BCAS3: variants seen among roughly 807,000 people sequenced by gnomAD.
BCAS3 encodes the protein BCAS4/BCAS3 fusion.
In BCAS3, 53 loss-of-function variants were observed where a neutral mutation model predicts 116.1. The observed-to-expected ratio is 0.46, with a 90% confidence interval of 0.37 to 0.57. BCAS3 has a LOEUF of 0.57. Among genes scored for constraint, BCAS3 ranks in the 20% least tolerant of loss-of-function variants. The pLI, the probability that BCAS3 is intolerant of heterozygous loss-of-function variation, is 0.00. For synonymous variants in BCAS3, 391 were observed against 408.2 expected (o/e 0.96, Z 0.51); for missense variants, 917 against 1,165.4 (o/e 0.79, Z 3.10).
rs958886267 is a variant in BCAS3, at chr17:61,366,829, C to T, written c.2426-1498C>T. Among the ~76,000 whole-genome samples, 7 of 152,218 alleles carry T rather than the reference C, an allele frequency of 4.6e-5. No individual in the cohort carries two copies. Among genetic ancestry groups the T allele is most frequent in the Admixed American group, 6.5e-5 (1 of 15,282 alleles). Reference sequence around the variant, plus strand: ...ATAAATCAAAGCCAAACTTGGCTGACGAAATTCAGGAGCCAGTAGTGACCC... The same window carrying T: ...ATAAATCAAAGCCAAACTTGGCTGATGAAATTCAGGAGCCAGTAGTGACCC... On this transcript the variant is annotated intron_variant, in intron 22 of 23. Transcript: ENST00000407086. This position sits in a 1 kb window ranked among gnomAD's most constrained non-coding sequence, Gnocchi z 4.5.
chr17:60,811,406 A>G, intron 7 of BCAS3: 1 of 616,204 alleles, frequency 1.6e-6, no homozygotes, highest in South Asian at 1.4e-5. Context: ...CTCTCCCAGG[A>G]TAGTGGATGG....
At chr17:60,888,160 A>G (rs1405492952) in intron 9 of BCAS3, among the ~76,000 whole-genome samples, 1 of 152,206 alleles carries the variant, frequency 6.6e-6, no homozygotes, top group Non-Finnish European at 1.5e-5. Flanking sequence ...GCAGGAAAAC[A>G]GTTGTTTTCA....
At position 61,029,493 on chromosome 17, in the gene BCAS3, CT is replaced by C. The variant is rs139961127; in HGVS notation, c.1638-5167del. On this transcript the variant is annotated intron_variant, in intron 16 of 23. Coordinates refer to ENST00000407086, the MANE Select transcript of BCAS3 (RefSeq NM_017679.5). This position sits in a 1 kb window ranked among gnomAD's most constrained non-coding sequence, Gnocchi z 5.2. ...ACAAAAGAATTACACATATAACATACTTTTTTAAACATAGGAATTTAAGATA... is the reference window on the plus strand; with the variant it reads ...ACAAAAGAATTACACATATAACATACTTTTTAAACATAGGAATTTAAGATA... Among the ~76,000 whole-genome samples the C allele has an allele frequency of 0.033, 5,079 of 151,898 alleles. 111 individuals are homozygous for C. Among genetic ancestry groups the C allele is most frequent in the Non-Finnish European group, 0.049 (3,355 of 67,830 alleles).
chr17:60,949,421 C>A (rs1477702483), intron 14 of BCAS3, among the ~76,000 whole-genome samples: 2 of 151,830 alleles, frequency 1.3e-5, no homozygotes, highest in Non-Finnish European at 2.9e-5. Flanking sequence ...CCACACCTGG[C>A]AATTTTTTCA....
At chr17:60,776,667 C>T (rs113888277) in intron 6 of BCAS3, among the ~76,000 whole-genome samples, 6,630 of 144,848 alleles carry the variant, frequency 0.046, 476 homozygotes, top group African/African-American at 0.16. Flanking sequence ...TGCAGTGAGC[C>T]GAGATCGCAC....
chr17:60,831,519 GA>G (rs1167316293), intron 7 of BCAS3, among the ~76,000 whole-genome samples: 2 of 152,146 alleles, frequency 1.3e-5, no homozygotes, highest in Non-Finnish European at 2.9e-5. Flanking sequence ...TCCTTTGTTA[GA>G]AAACAATTGT....
chr17:60,851,600 A>C, intron 7 of BCAS3: 4 of 627,196 alleles, frequency 6.4e-6, no homozygotes, highest in Non-Finnish European at 1.2e-5. Context: ...GAAACGAGGA[A>C]GTACAAATAA....
chr17:60,792,164 T>C (rs1042685758), intron 6 of BCAS3, among the ~76,000 whole-genome samples: 13 of 151,986 alleles, frequency 8.6e-5, no homozygotes, highest in African/African-American at 2.9e-4. Context: ...GTTGTGGCAA[T>C]GTTGGAAATG....
At chr17:61,293,619 C>T (rs2052642368) in intron 22 of BCAS3, among the ~76,000 whole-genome samples, 1 of 152,190 alleles carries the variant, frequency 6.6e-6, no homozygotes, top group Non-Finnish European at 1.5e-5. Context: ...GACATTAAAT[C>T]ACAACCCTCA....
intron 22 of BCAS3, among the ~76,000 whole-genome samples, chr17:61,193,711 C>G (rs1367479514): frequency 7.9e-6 from 1 of 127,228 alleles, no homozygotes; most frequent in South Asian, 2.5e-4. Flanking sequence ...GAGCCGAGAT[C>G]GTGCCATTGC....
rs377195482 is a variant in BCAS3, at chr17:61,377,325, G to A, written c.2593+8831G>A. 2.6e-5 allele frequency among the ~76,000 whole-genome samples: 4 copies of A among 152,228 alleles called. No homozygotes were observed. In the East Asian group the frequency reaches 5.8e-4, roughly 22 times the overall value. On this transcript the variant is annotated intron_variant, in intron 23 of 23. Coordinates refer to ENST00000407086, the MANE Select transcript of BCAS3 (RefSeq NM_017679.5). The surrounding 1 kb of genome is among the most constrained non-coding windows in gnomAD (Gnocchi z 4.6). ...AGGGAGCAGCTGCGCCAGCGAGACTGTGGGACAGCCGGTGGCCTCGGCAGG... is the reference window on the plus strand; with the variant it reads ...AGGGAGCAGCTGCGCCAGCGAGACTATGGGACAGCCGGTGGCCTCGGCAGG...
At position 61,020,305 on chromosome 17, in the gene BCAS3, T is replaced by A. The variant is rs1342602796; in HGVS notation, c.1637+4404T>A. 6.6e-6 allele frequency among the ~76,000 whole-genome samples: 1 copy of A among 152,198 alleles called. No homozygotes were observed. Among genetic ancestry groups the A allele is most frequent in the Non-Finnish European group, 1.5e-5 (1 of 68,044 alleles). ...CAGTGTCAGGGACCATCTGTCTCAC[T>A]GCGAGACATACATGAGGCCAGTAGA... On this transcript the variant is annotated intron_variant, in intron 16 of 23. Coordinates refer to ENST00000407086, the MANE Select transcript of BCAS3 (RefSeq NM_017679.5). The surrounding 1 kb of genome is among the most constrained non-coding windows in gnomAD (Gnocchi z 4.5).
intron 22 of BCAS3, among the ~76,000 whole-genome samples, chr17:61,288,212 G>T (rs1373532584): frequency 6.6e-6 from 1 of 152,232 alleles, no homozygotes; most frequent in Non-Finnish European, 1.5e-5. Flanking sequence ...TGTGGGGAGG[G>T]AAAGTGTAAG....
At chr17:60,798,164 A>G (rs970544710) in intron 6 of BCAS3, among the ~76,000 whole-genome samples, 2 of 152,240 alleles carry the variant, frequency 1.3e-5, no homozygotes, top group African/African-American at 4.8e-5. Flanking sequence ...CTACACTGAC[A>G]CATTATTATT....
rs2070340013 is a variant in BCAS3 at position 61,063,946 on chromosome 17, C to T, written c.2030-10974C>T. Among the ~76,000 whole-genome samples, 1 of 152,164 alleles carries T rather than the reference C, an allele frequency of 6.6e-6. No individual in the cohort carries two copies. Among genetic ancestry groups the T allele is most frequent in the East Asian group, 1.9e-4 (1 of 5,196 alleles). ...GCTGATTTCTCTGGGGCATTGTCTCCATAAACTTTTGGTAAAGCATCAATA... is the reference window on the plus strand; with the variant it reads ...GCTGATTTCTCTGGGGCATTGTCTCTATAAACTTTTGGTAAAGCATCAATA... On this transcript the variant is annotated intron_variant, in intron 19 of 23. Coordinates refer to ENST00000407086, the MANE Select transcript of BCAS3 (RefSeq NM_017679.5). The surrounding 1 kb of genome is among the most constrained non-coding windows in gnomAD (Gnocchi z 5.3).
intron 22 of BCAS3, among the ~76,000 whole-genome samples, chr17:61,253,480 T>C (rs1418306458): frequency 6.6e-6 from 1 of 152,104 alleles, no homozygotes; most frequent in Non-Finnish European, 1.5e-5. Flanking sequence ...TTCCCATTAA[T>C]AATAGTATTA....
At chr17:60,689,190 G>A (rs1389736575) in intron 3 of BCAS3, 1 of 151,848 alleles carries the variant, frequency 6.6e-6, no homozygotes, top group Non-Finnish European at 1.5e-5. Context: ...TTTTTTTTGT[G>A]GGGGACAGAG....
rs2058867645 is a variant in BCAS3, at chr17:61,368,594, C to A, written c.2593+100C>A. 4 of 1,366,358 alleles carry A rather than the reference C, an allele frequency of 2.9e-6. No homozygotes were observed. Among genetic ancestry groups the A allele is most frequent in the Non-Finnish European group, 3.9e-6 (4 of 1,019,896 alleles). 84.6% of individuals were successfully genotyped at this position (1,366,358 alleles called of 1,614,324 possible). A position where few individuals can be genotyped will look rare whatever the true frequency, so the allele number is the denominator to read the frequency against. Reference sequence around the variant, plus strand: ...GTTTGTGGGCATATGTTTGTTTTTGCTGTTGGTTTCTTTAGTTAGCACTCC... The same window carrying A: ...GTTTGTGGGCATATGTTTGTTTTTGATGTTGGTTTCTTTAGTTAGCACTCC... On this transcript the variant is annotated intron_variant, in intron 23 of 23. Transcript: ENST00000407086. The surrounding 1 kb of genome is among the most constrained non-coding windows in gnomAD (Gnocchi z 6.0).
chr17:60,834,318 T>A (rs1256466346), intron 7 of BCAS3, among the ~76,000 whole-genome samples: 1 of 152,018 alleles, frequency 6.6e-6, no homozygotes, highest in African/African-American at 2.4e-5. Flanking sequence ...AGGAAAATAA[T>A]TGACTATAAA....
Sources: allele counts gnomAD v4.1 joint callset (sites outside exome capture counted in the v4.1 genomes callset), GRCh38; gene constraint gnomAD v4.1.1; non-coding constraint Gnocchi (gnomAD v3.1); transcripts MANE v1.5; gene names NCBI Gene and HGNC (gene_info 2026-07-23, HGNC 2026-07-21).